Variants in TNNI3K observed in about 807,000 individuals in gnomAD.
The protein encoded by TNNI3K is TNNI3 interacting kinase.
A neutral mutation model predicts 114.5 loss-of-function variants in TNNI3K; 140 were observed. That is an observed-to-expected ratio of 1.22 (90% CI 1.07 to 1.41). The LOEUF (loss-of-function observed/expected upper bound fraction) is 1.41. TNNI3K is among the 40% of genes most tolerant of loss of function. TNNI3K has a pLI of 0.00. For synonymous variants in TNNI3K, 347 were observed against 347.5 expected, an observed-to-expected ratio of 1.00 and a Z score of 0.02; for missense variants, 1,125 against 1,007.6, an observed-to-expected ratio of 1.12 and a Z score of -1.58.
chr1:74,273,153 T>G (rs1467107026), intron 5 of TNNI3K, among the ~76,000 whole-genome samples: 2 of 151,946 alleles, frequency 1.3e-5, no homozygotes, highest in African/African-American at 4.8e-5. Flanking sequence ...ACAGTGTCAC[T>G]TCAAAGGGCT....
At chr1:74,290,604 CAT>C (rs1431542611) in intron 5 of TNNI3K, among the ~76,000 whole-genome samples, 2 of 151,756 alleles carry the variant, frequency 1.3e-5, no homozygotes, top group Non-Finnish European at 3.0e-5. Context: ...TTAAACATGA[CAT>C]TGTACAAGAT....
At chr1:74,506,663 G>A (rs1376472379) in intron 23 of TNNI3K, among the ~76,000 whole-genome samples, 5 of 152,184 alleles carry the variant, frequency 3.3e-5, no homozygotes, top group Admixed American at 1.3e-4. Context: ...GCCCCACACC[G>A]GACCTGCCGA....
intron 21 of TNNI3K, among the ~76,000 whole-genome samples, chr1:74,474,134 A>G (rs189241331): frequency 8.5e-5 from 13 of 152,294 alleles, no homozygotes; most frequent in African/African-American, 2.9e-4. Context: ...TGGGTTTTAA[A>G]TGGTTAAAAG....
rs148177379 is a variant in TNNI3K, at chr1:74,539,437, G to C, written c.2352-797G>C. 8.6e-3 allele frequency among the ~76,000 whole-genome samples: 1,316 copies of C among 152,252 alleles called. 22 individuals are homozygous for C. The highest frequency in any genetic ancestry group is 0.029 in the African/African-American group (1,198 of 41,548). On this transcript the variant is annotated intron_variant, in intron 23 of 24. Coordinates refer to ENST00000326637, the MANE Select transcript of TNNI3K (RefSeq NM_015978.3). ...AGAGATTATAGATATACAATTAACT[G>C]ACTGATGTAGTTAGATGCTAGGATG...
At chr1:74,343,234 C>T in intron 9 of TNNI3K, 55 bp downstream of exon 9, 1 of 1,539,822 alleles carries the variant, frequency 6.5e-7, no homozygotes, top group South Asian at 1.2e-5. Context: ...CTCTAAAGCA[C>T]CTGAAGTTGT....
At chr1:74,280,990 A>G (rs1656977733) in intron 5 of TNNI3K, among the ~76,000 whole-genome samples, 1 of 152,134 alleles carries the variant, frequency 6.6e-6, no homozygotes, top group African/African-American at 2.4e-5. Flanking sequence ...GCTACAGTAA[A>G]CTAAAGCAAC....
At chr1:74,393,435 G>A (rs1044035636) in intron 17 of TNNI3K, among the ~76,000 whole-genome samples, 3 of 152,094 alleles carry the variant, frequency 2.0e-5, no homozygotes, top group Non-Finnish European at 2.9e-5. Context: ...TTACTTTATG[G>A]GGTGGAGAAA....
At chr1:74,350,323 G>A (rs1040522376) in intron 9 of TNNI3K, among the ~76,000 whole-genome samples, 1 of 152,082 alleles carries the variant, frequency 6.6e-6, no homozygotes. Flanking sequence ...TTGCACTGTG[G>A]TCTGAAAGTC....
chr1:74,427,990 C>T (rs1292368539), intron 17 of TNNI3K, among the ~76,000 whole-genome samples: 1 of 151,252 alleles, frequency 6.6e-6, no homozygotes, highest in East Asian at 1.9e-4. Context: ...AACCACAATA[C>T]AAATCTTATA....
chr1:74,530,796 C>G (rs1646572503), intron 23 of TNNI3K, among the ~76,000 whole-genome samples: 1 of 151,228 alleles, frequency 6.6e-6, no homozygotes, highest in African/African-American at 2.4e-5. Flanking sequence ...AGAGTATGTT[C>G]CTCAGTTTTA....
chr1:74,241,489 G>A (rs1313638243), intron 2 of TNNI3K, among the ~76,000 whole-genome samples: 5 of 152,078 alleles, frequency 3.3e-5, no homozygotes, highest in African/African-American at 1.2e-4. Flanking sequence ...GTGTGAGATG[G>A]TATCTCATTG....
chr1:74,413,060 TAAC>T (rs1664962447), intron 17 of TNNI3K, among the ~76,000 whole-genome samples: 1 of 152,202 alleles, frequency 6.6e-6, no homozygotes, highest in Non-Finnish European at 1.5e-5. Flanking sequence ...GATGTCAGGT[TAAC>T]AATGCCACCT....
intron 5 of TNNI3K, among the ~76,000 whole-genome samples, chr1:74,330,094 G>T: frequency 6.6e-6 from 1 of 152,184 alleles, no homozygotes; most frequent in East Asian, 1.9e-4. Context: ...AGAAAAGAGA[G>T]ACTCGAAGAC....
chr1:74,386,065 C>T (rs1281984577), intron 17 of TNNI3K, among the ~76,000 whole-genome samples: 2 of 152,208 alleles, frequency 1.3e-5, no homozygotes, highest in Admixed American at 6.5e-5. Context: ...GATGGCTTTA[C>T]AAAAGGGAGT....
chr1:74,364,609 T>C (rs1662165529), intron 11 of TNNI3K, among the ~76,000 whole-genome samples: 1 of 151,870 alleles, frequency 6.6e-6, no homozygotes, highest in Non-Finnish European at 1.5e-5. Flanking sequence ...GTAAGTAGGC[T>C]GCCTTACATG....
chr1:74,324,395 T>C (rs144603550), intron 5 of TNNI3K, among the ~76,000 whole-genome samples: 64 of 152,300 alleles, frequency 4.2e-4, no homozygotes, highest in African/African-American at 1.5e-3. Flanking sequence ...AACAGTAACA[T>C]AGTCATGATC....
At chr1:74,453,209 T>C (rs1406458915) in intron 20 of TNNI3K, among the ~76,000 whole-genome samples, 8 of 152,202 alleles carry the variant, frequency 5.3e-5, no homozygotes, top group Non-Finnish European at 1.0e-4. Flanking sequence ...TATTATTTAA[T>C]AAAAAGTTGA....
chr1:74,482,139 AG>A (rs930911168), intron 21 of TNNI3K, among the ~76,000 whole-genome samples: 71 of 152,282 alleles, frequency 4.7e-4, no homozygotes, highest in African/African-American at 1.6e-3. Context: ...TATGGGATGA[AG>A]GAGGTTTGTT....
At chr1:74,287,881 C>T (rs76100624) in intron 5 of TNNI3K, among the ~76,000 whole-genome samples, 1 of 151,870 alleles carries the variant, frequency 6.6e-6, no homozygotes, top group Admixed American at 6.6e-5. Context: ...AACTCAGCAA[C>T]TCAGTAAAAG....
Sources: gnomAD v4.1 joint callset for allele counts (sites outside exome capture counted in the v4.1 genomes callset) on GRCh38, gnomAD v4.1.1 for gene constraint, MANE v1.5 for transcripts, NCBI Gene and HGNC (gene_info 2026-07-23, HGNC 2026-07-21) for gene names.